Variants in MGAT5 observed in about 807,000 individuals in gnomAD.
MGAT5 encodes alpha-1,6-mannosylglycoprotein 6-beta-N-acetylglucosaminyltransferase.
A neutral mutation model predicts 94.3 loss-of-function variants in MGAT5; 30 were observed. The ratio of observed to expected loss-of-function variants is 0.32; its 90% CI spans 0.24 to 0.43. MGAT5 has a LOEUF of 0.43. Ranked by LOEUF, MGAT5 falls within the 20% of genes least tolerant of loss-of-function variation. The pLI is 1.00. For missense variants in MGAT5, 691 were observed against 905.5 expected (o/e 0.76, Z 3.04); for synonymous variants, 310 against 322.9 (o/e 0.96, Z 0.43).
chr2:134,292,328 G>A (rs767491890), intron 2 of MGAT5, among the ~76,000 whole-genome samples: 8 of 152,136 alleles, frequency 5.3e-5, no homozygotes, highest in African/African-American at 1.4e-4. Context: ...TTCACATATA[G>A]CATCTCATTT....
chr2:134,376,977 T>TA (rs1272297439), intron 10 of MGAT5, among the ~76,000 whole-genome samples: 1 of 152,236 alleles, frequency 6.6e-6, no homozygotes, highest in Non-Finnish European at 1.5e-5. Flanking sequence ...ACCATGTTTT[T>TA]ATCCTTAAAA....
At chr2:134,295,737 A>G (rs1282028807) in intron 2 of MGAT5, among the ~76,000 whole-genome samples, 1 of 152,164 alleles carries the variant, frequency 6.6e-6, no homozygotes, top group Non-Finnish European at 1.5e-5. Context: ...TTGCTACCTG[A>G]CAGGAATGGT....
chr2:134,173,582 G>T (rs1194556200), intron 1 of MGAT5, among the ~76,000 whole-genome samples: 3 of 152,234 alleles, frequency 2.0e-5, no homozygotes, highest in South Asian at 2.1e-4. Context: ...CTCCTCGGCT[G>T]TGTCTTTCTG....
At chr2:134,178,492 AC>A (rs1219615947) in intron 1 of MGAT5, among the ~76,000 whole-genome samples, 1 of 152,106 alleles carries the variant, frequency 6.6e-6, no homozygotes, top group Non-Finnish European at 1.5e-5. Flanking sequence ...AGACCCAGGC[AC>A]CTTCCCCTCC....
intron 9 of MGAT5, among the ~76,000 whole-genome samples, chr2:134,360,200 T>G (rs3791293): frequency 0.59 from 89,333 of 151,968 alleles, 29,949 homozygotes; most frequent in Non-Finnish European, 0.75. Flanking sequence ...AGATGTGAAA[T>G]TCATAGTGTC....
chr2:134,243,634 G>T (rs1430430373), intron 1 of MGAT5, among the ~76,000 whole-genome samples: 1 of 152,222 alleles, frequency 6.6e-6, no homozygotes, highest in African/African-American at 2.4e-5. Flanking sequence ...TAGAAGTGAT[G>T]AGAACTTCTT....
intron 1 of MGAT5, among the ~76,000 whole-genome samples, chr2:134,173,814 G>A (rs1041467624): frequency 2.4e-4 from 36 of 152,230 alleles, no homozygotes; most frequent in African/African-American, 8.4e-4. Flanking sequence ...CCATATCACA[G>A]ATGACTTTAC....
At chr2:134,227,216 CTG>C (rs1246255665) in intron 1 of MGAT5, among the ~76,000 whole-genome samples, 2 of 152,142 alleles carry the variant, frequency 1.3e-5, no homozygotes, top group African/African-American at 4.8e-5. Context: ...TCCTTGGGCT[CTG>C]TATTTCAGGG....
intron 10 of MGAT5, among the ~76,000 whole-genome samples, chr2:134,363,564 AC>A (rs1484569032): frequency 6.6e-6 from 1 of 152,136 alleles, no homozygotes; most frequent in African/African-American, 2.4e-5. Context: ...GTGTCTGGAG[AC>A]AATTTTGGTT....
intron 15 of MGAT5, among the ~76,000 whole-genome samples, chr2:134,443,104 C>T (rs571259706): frequency 5.3e-4 from 80 of 152,244 alleles, no homozygotes; most frequent in Middle Eastern, 6.8e-3. Context: ...TAAAACCCTT[C>T]GTAGGGAGAG....
At chr2:134,231,514 C>T (rs1279122099) in intron 1 of MGAT5, among the ~76,000 whole-genome samples, 1 of 152,184 alleles carries the variant, frequency 6.6e-6, no homozygotes, top group East Asian at 1.9e-4. Flanking sequence ...ATGTCAAGAT[C>T]TTCATAGGCT....
At chr2:134,283,710 T>A (rs1684842280) in intron 2 of MGAT5, among the ~76,000 whole-genome samples, 1 of 143,484 alleles carries the variant, frequency 7.0e-6, no homozygotes, top group Non-Finnish European at 1.5e-5. Context: ...TGTGGGTGTG[T>A]GGCTTTGAGG....
At chr2:134,395,647 T>C (rs1337201117) in intron 10 of MGAT5, among the ~76,000 whole-genome samples, 1 of 152,234 alleles carries the variant, frequency 6.6e-6, no homozygotes, top group African/African-American at 2.4e-5. Flanking sequence ...CATTAAGTGG[T>C]ATTACTTCCT....
intron 1 of MGAT5, among the ~76,000 whole-genome samples, chr2:134,141,879 G>C (rs936940972): frequency 1.3e-5 from 2 of 152,226 alleles, no homozygotes; most frequent in African/African-American, 4.8e-5. Flanking sequence ...ATTTGGACTT[G>C]CTCCTGAGAG....
At chr2:134,237,465 G>A (rs1308951838) in intron 1 of MGAT5, among the ~76,000 whole-genome samples, 3 of 152,098 alleles carry the variant, frequency 2.0e-5, no homozygotes, top group East Asian at 1.9e-4. Flanking sequence ...GGGGGAGGAG[G>A]ATAAAGGAGA....
intron 1 of MGAT5, among the ~76,000 whole-genome samples, chr2:134,185,061 T>G (rs947600289): frequency 1.3e-5 from 2 of 152,104 alleles, no homozygotes; most frequent in African/African-American, 4.8e-5. Flanking sequence ...TATTATACGT[T>G]CTCACTTATA....
At position 134,255,001 on chromosome 2, in the gene MGAT5, A is replaced by C. The variant is rs374014558; in HGVS notation, c.241+357A>C. On this transcript the variant is annotated intron_variant, in intron 1 of 15. Transcript: ENST00000281923. Reference sequence around the variant, plus strand: ...AAATATTCTCATCTTTCCCTAAACAAAACTTAATTAAGGCTGGTGGGGGTG... The same window carrying C: ...AAATATTCTCATCTTTCCCTAAACACAACTTAATTAAGGCTGGTGGGGGTG... 3.9e-5 allele frequency among the ~76,000 whole-genome samples: 6 copies of C among 152,314 alleles called. No homozygotes were observed. In the South Asian group the frequency reaches 6.2e-4, roughly 16 times the overall value.
At chr2:134,341,505 G>A in intron 6 of MGAT5, 85 bp from the exon 7 acceptor site, 2 of 1,139,332 alleles carry the variant, frequency 1.8e-6, no homozygotes, top group East Asian at 5.1e-5. Context: ...CATGACTTTG[G>A]GATTGGTCAA....
intron 10 of MGAT5, among the ~76,000 whole-genome samples, chr2:134,390,767 T>C (rs1362637679): frequency 6.6e-6 from 1 of 151,552 alleles, no homozygotes; most frequent in Non-Finnish European, 1.5e-5. Context: ...AAGTGAAATA[T>C]AATGGTCACT....
Sources: allele counts gnomAD v4.1 joint callset (sites outside exome capture counted in the v4.1 genomes callset), GRCh38; gene constraint gnomAD v4.1.1; transcripts MANE v1.5; gene names NCBI Gene and HGNC (gene_info 2026-07-23, HGNC 2026-07-21).